Variants in NOSTRIN observed in about 807,000 individuals in gnomAD.
The protein encoded by NOSTRIN is BM247 homolog.
A neutral mutation model predicts 59.0 loss-of-function variants in NOSTRIN; 63 were observed. The ratio of observed to expected loss-of-function variants is 1.07; its 90% CI spans 0.87 to 1.32. The LOEUF is 1.32. Among genes scored for constraint, NOSTRIN ranks in the 40% most tolerant of loss-of-function variants. The pLI, the probability that NOSTRIN is intolerant of heterozygous loss-of-function variation, is 0.00. For missense variants in NOSTRIN, 512 were observed against 473.1 expected (o/e 1.08, Z -0.76); for synonymous variants, 200 against 165.4 (o/e 1.21, Z -1.61).
chr2:168,809,971 A>T (rs1686049980), intron 1 of NOSTRIN, among the ~76,000 whole-genome samples: 1 of 150,502 alleles, frequency 6.6e-6, no homozygotes, highest in Non-Finnish European at 1.5e-5. Context: ...TGCTACCATT[A>T]AAAAAAAATC....
At chr2:168,820,494 G>A (rs1033267688) in intron 2 of NOSTRIN, among the ~76,000 whole-genome samples, 1 of 152,160 alleles carries the variant, frequency 6.6e-6, no homozygotes, top group African/African-American at 2.4e-5. Flanking sequence ...GGAGACCACT[G>A]TCTGGACAGT....
At chr2:168,850,291 G>A (rs769272771) in intron 8 of NOSTRIN, among the ~76,000 whole-genome samples, 24 of 152,248 alleles carry the variant, frequency 1.6e-4, no homozygotes, top group Non-Finnish European at 2.6e-4. Flanking sequence ...AAAGTCATAA[G>A]TCTAATAATG....
chr2:168,831,848 G>A (rs1159545646), intron 6 of NOSTRIN, among the ~76,000 whole-genome samples: 1 of 152,214 alleles, frequency 6.6e-6, no homozygotes, highest in African/African-American at 2.4e-5. Flanking sequence ...TGGAGACACA[G>A]AGAGTTTCAG....
chr2:168,841,169 G>C (rs1688072713), intron 7 of NOSTRIN, among the ~76,000 whole-genome samples: 1 of 146,944 alleles, frequency 6.8e-6, no homozygotes, highest in African/African-American at 2.5e-5. Context: ...GGAGGTTGCA[G>C]TGAGCCAGTG....
At chr2:168,824,930 T>C (rs1357866026) in intron 3 of NOSTRIN, among the ~76,000 whole-genome samples, 1 of 151,856 alleles carries the variant, frequency 6.6e-6, no homozygotes, top group Non-Finnish European at 1.5e-5. Context: ...ATGCCCTAAA[T>C]TTGTTTTGTG....
At chr2:168,789,657 G>C (rs1285985335) in intron 2 of NOSTRIN, among the ~76,000 whole-genome samples, 1 of 152,136 alleles carries the variant, frequency 6.6e-6, no homozygotes, top group African/African-American at 2.4e-5. Flanking sequence ...TCAAAAAGAG[G>C]GTATGAAGTG....
intron 11 of NOSTRIN, chr2:168,856,300 G>A (rs968613404): frequency 6.8e-5 from 16 of 234,162 alleles, no homozygotes; most frequent in African/African-American, 3.7e-4. Flanking sequence ...CTGGTGGCTG[G>A]GTGCTGTGGC....
intron 7 of NOSTRIN, among the ~76,000 whole-genome samples, chr2:168,841,303 T>C (rs76397654): frequency 7.9e-6 from 1 of 126,100 alleles, no homozygotes; most frequent in Non-Finnish European, 1.7e-5. Context: ...AATATATATA[T>C]ATAAAGTTGG....
At position 168,864,710 on chromosome 2, in the gene NOSTRIN, C is replaced by T. The variant is rs192307257; in HGVS notation, c.1385-124C>T. ...TCGATACATTTGGCTTCATCTGAAT[C>T]AAGTGCAGAAAATGACACTACCAAG... is the stretch of plus-strand genomic sequence containing the variant. On this transcript the variant is annotated intron_variant, in intron 15 of 15. Coordinates refer to ENST00000317647, the MANE Select transcript of NOSTRIN (RefSeq NM_001039724.4). 120 of 1,084,490 alleles carry T rather than the reference C, an allele frequency of 1.1e-4. 1 individual carries two copies. In the African/African-American group the frequency reaches 1.7e-3, roughly 15 times the overall value. 67.2% of individuals were successfully genotyped at this position (1,084,490 alleles called of 1,614,324 possible). A position where few individuals can be genotyped will look rare whatever the true frequency, so the allele number is the denominator to read the frequency against.
rs530574775 is a variant in NOSTRIN at position 168,808,185 on chromosome 2, C to T, written c.28-3382C>T. Among the ~76,000 whole-genome samples the T allele has an allele frequency of 2.0e-5, 3 of 152,308 alleles. No individual in the cohort carries two copies. The South Asian group carries it at 6.2e-4, about 32-fold the overall frequency. ...AGAAAAATTCTCAACTGGTTCTACT[C>T]ATTTCTACATTGGTTATGAGCAGAG... On this transcript the variant is annotated intron_variant, in intron 1 of 15. Coordinates refer to ENST00000317647, the MANE Select transcript of NOSTRIN (RefSeq NM_001039724.4).
intron 12 of NOSTRIN, among the ~76,000 whole-genome samples, chr2:168,857,893 A>T (rs1447193341): frequency 2.0e-5 from 3 of 152,224 alleles, no homozygotes; most frequent in Non-Finnish European, 2.9e-5. Context: ...TCGCTGACCT[A>T]GTTTTTAGAT....
intron 2 of NOSTRIN, among the ~76,000 whole-genome samples, chr2:168,788,909 A>T (rs1685273417): frequency 6.6e-6 from 1 of 151,630 alleles, no homozygotes; most frequent in Admixed American, 6.6e-5. Flanking sequence ...ATAGATAGAT[A>T]GATAGATAGA....
chr2:168,851,369 G>C lies in NOSTRIN; in HGVS notation c.820G>C (p.Glu274Gln), dbSNP rs1429165440. The C allele has an allele frequency of 6.2e-7, 1 of 1,612,590 alleles. No individual in the cohort carries two copies. Among genetic ancestry groups the C allele is most frequent in the East Asian group, 2.2e-5 (1 of 44,868 alleles). ...GGAAGAAACTGCAATTTTATCTACA[G>C]AAAACAAATCTGAGTTCCTGTTAAC... The part of the protein sequence containing the change: ...VMEETAILST[E>Q]NKSEFLLTDY... The change falls in exon 10 of 16, where the codon GAA becomes CAA. Residue 274 changes from glutamate (E) to glutamine (Q), a missense_variant. By Grantham distance (29) the Glu-to-Gln change is conservative (BLOSUM62 2). Coordinates refer to ENST00000317647, the MANE Select transcript of NOSTRIN (RefSeq NM_001039724.4).
In NOSTRIN at chr2:168,843,075, T is replaced by A; in HGVS notation, c.588T>A (p.Ser196=). The change falls in exon 8 of 16, where the codon TCT becomes TCA. Residue 196 remains serine (S), a synonymous_variant. Transcript: ENST00000317647. Reference sequence around the variant, plus strand: ...ACCAAAAAAACATGGCGGGTTATTCTACCAGACTGAAATGGGAAAACACAC... The same window carrying A: ...ACCAAAAAAACATGGCGGGTTATTCAACCAGACTGAAATGGGAAAACACAC... ...NYYQKNMAGY[S]TRLKWENTLE... 1 of 872,704 alleles carries A rather than the reference T, an allele frequency of 1.1e-6. No homozygotes were observed. Among genetic ancestry groups the A allele is most frequent in the Non-Finnish European group, 2.0e-6 (1 of 501,554 alleles). The allele number at this position is 872,704 out of a possible 1,614,324, so 54.1% of individuals were successfully genotyped here.
intron 1 of NOSTRIN, among the ~76,000 whole-genome samples, chr2:168,809,875 C>A (rs944839802): frequency 5.9e-5 from 9 of 151,848 alleles, no homozygotes; most frequent in Non-Finnish European, 5.9e-5. Context: ...GATTATTTTT[C>A]CTTCATGAGA....
intron 7 of NOSTRIN, among the ~76,000 whole-genome samples, chr2:168,839,841 G>C (rs919758359): frequency 7.7e-6 from 1 of 129,952 alleles, no homozygotes; most frequent in Non-Finnish European, 1.5e-5. Flanking sequence ...AGCTGAGATC[G>C]CACCACTGTA....
rs572335432 is a variant in NOSTRIN at position 168,834,493 on chromosome 2, G to A, written c.504+168G>A. ...GGATTCCAAATCATTACTGGCGTGCGCGCGCGCGCGCGCGCACACACACAC... is the reference window on the plus strand; with the variant it reads ...GGATTCCAAATCATTACTGGCGTGCACGCGCGCGCGCGCGCACACACACAC... On this transcript the variant is annotated intron_variant, in intron 7 of 15. Transcript: ENST00000317647. 1.3e-3 allele frequency among the ~76,000 whole-genome samples: 60 copies of A among 46,416 alleles called. 2 individuals are homozygous for A. Among genetic ancestry groups the A allele is most frequent in the Middle Eastern group, 0.012 (1 of 82 alleles). The allele number at this position is 46,416 out of a possible 152,430, so 30.5% of individuals were successfully genotyped here.
rs372606941 is a variant in NOSTRIN at position 168,859,556 on chromosome 2, G to C, written c.1098G>C (p.Leu366=). Residue 366 remains leucine, a synonymous_variant, in exon 13 of 16, where the codon CTG becomes CTC. Transcript: ENST00000317647. The part of the protein sequence containing the change: ...LDLLEANSYK[L]SSMLAELEQR... ...TTTTGGAAGCGAACTCCTACAAACT[G>C]TCATCAATGTTAGCAGAACTTGAGC... 6.2e-7 allele frequency: 1 copy of C among 1,614,084 alleles called. No homozygotes were observed. Among genetic ancestry groups the C allele is most frequent in the African/African-American group, 1.3e-5 (1 of 75,028 alleles).
chr2:168,864,295 T>A (rs1240215455), intron 15 of NOSTRIN, among the ~76,000 whole-genome samples: 3 of 151,720 alleles, frequency 2.0e-5, no homozygotes, highest in Non-Finnish European at 4.4e-5. Flanking sequence ...GTTTTTTTTT[T>A]TCTGAGACAG....
Sources: allele counts gnomAD v4.1 joint callset (sites outside exome capture counted in the v4.1 genomes callset), GRCh38; gene constraint gnomAD v4.1.1; transcripts MANE v1.5; gene names NCBI Gene and HGNC (gene_info 2026-07-23, HGNC 2026-07-21).